Variants in TBC1D32 observed in about 807,000 individuals in gnomAD.
TBC1D32 encodes the protein protein broad-minded.
A neutral mutation model predicts 170.3 loss-of-function variants in TBC1D32; 151 were observed. That is an observed-to-expected ratio of 0.89 (90% confidence interval 0.78 to 1.01). TBC1D32 has a LOEUF of 1.01. Ranked by LOEUF, TBC1D32 falls within the 50% of genes least tolerant of loss-of-function variation. The pLI is 0.00. For synonymous variants in TBC1D32, 498 were observed against 488.0 expected (o/e 1.02, Z -0.27); for missense variants, 1,464 against 1,457.1 (o/e 1.00, Z -0.08).
intron 12 of TBC1D32, among the ~76,000 whole-genome samples, chr6:121,288,934 C>G (rs148848911): frequency 0.064 from 9,811 of 152,132 alleles, 615 homozygotes; most frequent in Admixed American, 0.21. Flanking sequence ...GCAGAAAAGG[C>G]CTTTGACAAA....
At chr6:121,209,101 T>C (rs1396046313) in intron 21 of TBC1D32, among the ~76,000 whole-genome samples, 1 of 151,186 alleles carries the variant, frequency 6.6e-6, no homozygotes, top group East Asian at 2.0e-4. Context: ...GCATTTAGTC[T>C]TCACAACAAC....
intron 21 of TBC1D32, among the ~76,000 whole-genome samples, chr6:121,211,440 G>T (rs1385423771): frequency 6.6e-6 from 1 of 152,112 alleles, no homozygotes; most frequent in East Asian, 1.9e-4. Flanking sequence ...TGTACACAGT[G>T]TGTAGTCTTT....
chr6:121,250,594 A>G (rs2128383493), intron 17 of TBC1D32, among the ~76,000 whole-genome samples: 1 of 152,252 alleles, frequency 6.6e-6, no homozygotes, highest in Middle Eastern at 3.4e-3. Flanking sequence ...TCTCAAAATA[A>G]TAAGAGCTAT....
intron 25 of TBC1D32, chr6:121,130,053 T>A (rs181326950): frequency 2.9e-6 from 1 of 344,210 alleles, no homozygotes; most frequent in African/African-American, 2.1e-5. Context: ...GACTCTTATA[T>A]AAGAAGACTT....
chr6:121,100,495 T>C (rs1403199659), intron 30 of TBC1D32, among the ~76,000 whole-genome samples: 1 of 152,006 alleles, frequency 6.6e-6, no homozygotes, highest in East Asian at 1.9e-4. Context: ...CTCTTCTTGT[T>C]GAATTGATCC....
intron 2 of TBC1D32, among the ~76,000 whole-genome samples, chr6:121,320,931 G>GA (rs1017623614): frequency 5.3e-5 from 8 of 151,374 alleles, no homozygotes; most frequent in Non-Finnish European, 5.9e-5. Context: ...ACACTGACGA[G>GA]AAAAAAAAAT....
chr6:121,103,667 G>A (rs1778391851), intron 30 of TBC1D32, among the ~76,000 whole-genome samples: 1 of 151,802 alleles, frequency 6.6e-6, no homozygotes, highest in Non-Finnish European at 1.5e-5. Context: ...ACACCAACAT[G>A]GCACATGTAT....
chr6:121,295,533 G>C (rs1382960252), intron 10 of TBC1D32, among the ~76,000 whole-genome samples: 1 of 151,950 alleles, frequency 6.6e-6, no homozygotes, highest in Non-Finnish European at 1.5e-5. Flanking sequence ...TTAGAGTCAA[G>C]ATTAAACTCT....
At chr6:121,225,459 T>C (rs1794954240) in intron 20 of TBC1D32, among the ~76,000 whole-genome samples, 1 of 152,056 alleles carries the variant, frequency 6.6e-6, no homozygotes. Context: ...CCTTTTAAAA[T>C]GTCTATTTTG....
Position 121,310,774 on chromosome 6 carries a change from C to T in TBC1D32, c.564+5G>A. 6.5e-7 allele frequency: 1 copy of T among 1,537,858 alleles called. No homozygotes were observed. The highest frequency in any genetic ancestry group is 8.8e-7 in the Non-Finnish European group (1 of 1,130,770). ...ATGAACTTGACAGCTATCCTTGAAA[C>T]TTACCTCTTTAGGTTGCCCAGGATC... On this transcript the variant is annotated splice_donor_5th_base_variant and intron_variant, in intron 4 of 31. Transcript: ENST00000398212.
At chr6:121,283,058 C>A (rs931570636) in intron 13 of TBC1D32, among the ~76,000 whole-genome samples, 40 of 151,830 alleles carry the variant, frequency 2.6e-4, no homozygotes, top group African/African-American at 9.4e-4. Context: ...GTACCCGTCA[C>A]CTGAACAGTG....
intron 24 of TBC1D32, among the ~76,000 whole-genome samples, chr6:121,133,386 T>C (rs1348288250): frequency 1.3e-5 from 2 of 151,992 alleles, no homozygotes; most frequent in African/African-American, 2.4e-5. Context: ...CCTGTGTGGA[T>C]ATAATAATCA....
chr6:121,099,784 C>T (rs182825015), intron 30 of TBC1D32, among the ~76,000 whole-genome samples: 1 of 151,852 alleles, frequency 6.6e-6, no homozygotes, highest in Non-Finnish European at 1.5e-5. Context: ...TTTACATTAC[C>T]TTAAAAGAAA....
intron 22 of TBC1D32, among the ~76,000 whole-genome samples, chr6:121,190,466 C>A (rs1789853783): frequency 6.6e-6 from 1 of 150,720 alleles, no homozygotes; most frequent in Non-Finnish European, 1.5e-5. Flanking sequence ...CCCACATCTA[C>A]CTACTCTCCC....
In TBC1D32 at chr6:121,294,557, A is replaced by G. The variant is rs202035057; in HGVS notation, c.1231+13T>C. The stretch of plus-strand genomic sequence containing the variant: ...CATTTTTAAAAGTATGTAATAGAGG[A>G]AATAATACTTACTGCAATGCTTTGA... On this transcript the variant is annotated intron_variant, in intron 11 of 31. Transcript: ENST00000398212. 3.2e-6 allele frequency: 5 copies of G among 1,581,716 alleles called. No homozygotes were observed. The highest frequency in any genetic ancestry group is 4.3e-6 in the Non-Finnish European group (5 of 1,157,400).
chr6:121,307,433 C>T (rs1807497378), intron 5 of TBC1D32, among the ~76,000 whole-genome samples: 1 of 152,026 alleles, frequency 6.6e-6, no homozygotes, highest in East Asian at 1.9e-4. Context: ...AGATAAAATG[C>T]ACAAGGTAGC....
At chr6:121,264,948 G>A (rs926368868) in intron 15 of TBC1D32, among the ~76,000 whole-genome samples, 3 of 152,084 alleles carry the variant, frequency 2.0e-5, no homozygotes, top group Non-Finnish European at 4.4e-5. Context: ...CAAACTTACA[G>A]ACAATATTAT....
intron 12 of TBC1D32, among the ~76,000 whole-genome samples, chr6:121,290,171 C>T (rs1232908282): frequency 6.6e-6 from 1 of 152,106 alleles, no homozygotes; most frequent in Non-Finnish European, 1.5e-5. Context: ...AGCTAAAGAG[C>T]TTCTGCACAG....
At chr6:121,109,702 G>T (rs984251915) in intron 29 of TBC1D32, among the ~76,000 whole-genome samples, 1 of 151,942 alleles carries the variant, frequency 6.6e-6, no homozygotes, top group Non-Finnish European at 1.5e-5. Flanking sequence ...ACATTAAAGG[G>T]TTCTTCCGGT....
Sources: gnomAD v4.1 joint callset for allele counts (sites outside exome capture counted in the v4.1 genomes callset) on GRCh38, gnomAD v4.1.1 for gene constraint, MANE v1.5 for transcripts, NCBI Gene and HGNC (gene_info 2026-07-23, HGNC 2026-07-21) for gene names.